Variants in ZZZ3 observed in about 807,000 individuals in gnomAD.
ZZZ3 encodes the protein zinc finger ZZ-type containing 3.
In ZZZ3, 22 loss-of-function variants were observed where a neutral mutation model predicts 95.2. The ratio of observed to expected loss-of-function variants is 0.23; its 90% confidence interval spans 0.17 to 0.33. The LOEUF is 0.33. Ranked by LOEUF, ZZZ3 falls within the 10% of genes least tolerant of loss-of-function variation. ZZZ3 has a pLI of 1.00. For synonymous variants in ZZZ3, 335 were observed against 358.9 expected, an observed-to-expected ratio of 0.93 and a Z score of 0.75; for missense variants, 885 against 1,066.5, an observed-to-expected ratio of 0.83 and a Z score of 2.37.
intron 1 of ZZZ3, among the ~76,000 whole-genome samples, chr1:77,680,250 T>A (rs1672633393): frequency 6.6e-6 from 1 of 152,204 alleles, no homozygotes; most frequent in African/African-American, 2.4e-5. Flanking sequence ...GACCCAGAAC[T>A]ATCTAAAAAA....
At chr1:77,675,575 G>C (rs1356474241) in intron 1 of ZZZ3, among the ~76,000 whole-genome samples, 2 of 151,540 alleles carry the variant, frequency 1.3e-5, no homozygotes, top group Admixed American at 6.6e-5. Flanking sequence ...GTTCTCTGTA[G>C]GTGTTCTTCA....
At position 77,632,182 on chromosome 1, in the gene ZZZ3, A is replaced by G. The variant is rs2100846861; in HGVS notation, c.1173T>C (p.Ser391=). 6.2e-7 allele frequency: 1 copy of G among 1,614,070 alleles called. No individual in the cohort carries two copies. Among genetic ancestry groups the G allele is most frequent in the East Asian group, 2.2e-5 (1 of 44,868 alleles). The change falls in exon 5 of 15, where the codon AGT becomes AGC. Residue 391 remains serine (S), a synonymous_variant. Transcript: ENST00000370801. ...SPRRAAPTRG[S]PTKNSSPYRE... ...TGTAAGGAGAACTGTTTTTAGTGGG[A>G]CTACCTCTGGTAGGGGCTGCCCTTC...
intron 5 of ZZZ3, among the ~76,000 whole-genome samples, chr1:77,598,219 T>C (rs888228000): frequency 2.0e-5 from 3 of 152,124 alleles, no homozygotes; most frequent in African/African-American, 7.2e-5. Flanking sequence ...ATGATACCTA[T>C]AATACATACT....
chr1:77,608,764 T>G (rs1665492332), intron 5 of ZZZ3, among the ~76,000 whole-genome samples: 1 of 152,206 alleles, frequency 6.6e-6, no homozygotes, highest in Admixed American at 6.5e-5. Context: ...AGTGTAGAGT[T>G]TTTTTAAGTC....
Position 77,581,535 on chromosome 1 carries a change from A to G in ZZZ3, c.1908+241T>C, listed in dbSNP as rs555632069. Reference sequence around the variant, plus strand: ...CACCAACAACCCTACAAGATAGGTAATATCAACTACATTTTATACAAAAGG... The same window carrying G: ...CACCAACAACCCTACAAGATAGGTAGTATCAACTACATTTTATACAAAAGG... On this transcript the variant is annotated intron_variant, in intron 8 of 14. Transcript: ENST00000370801. Among the ~76,000 whole-genome samples the G allele has an allele frequency of 8.5e-5, 13 of 152,336 alleles. No homozygotes were observed. In the South Asian group the frequency reaches 2.7e-3, roughly 32 times the overall value.
chr1:77,602,869 G>A (rs1664868908), intron 5 of ZZZ3, among the ~76,000 whole-genome samples: 1 of 152,014 alleles, frequency 6.6e-6, no homozygotes, highest in Non-Finnish European at 1.5e-5. Flanking sequence ...CTCCCAAAGT[G>A]CTGGGATTAC....
At chr1:77,594,228 G>A (rs1479488399) in intron 5 of ZZZ3, among the ~76,000 whole-genome samples, 1 of 152,016 alleles carries the variant, frequency 6.6e-6, no homozygotes, top group Non-Finnish European at 1.5e-5. Context: ...CTACTCATGA[G>A]GCATAATAAC....
intron 1 of ZZZ3, among the ~76,000 whole-genome samples, chr1:77,653,705 A>G (rs571748689): frequency 1.3e-5 from 2 of 152,256 alleles, no homozygotes; most frequent in African/African-American, 4.8e-5. Flanking sequence ...GTGAGCCTAG[A>G]TCGTGCCATT....
intron 4 of ZZZ3, among the ~76,000 whole-genome samples, chr1:77,634,121 G>T (rs1668078687): frequency 6.6e-6 from 1 of 152,074 alleles, no homozygotes; most frequent in African/African-American, 2.4e-5. Context: ...AGTGAGCCGA[G>T]ATCATGCCAC....
chr1:77,652,105 C>T (rs1040091170), intron 1 of ZZZ3, among the ~76,000 whole-genome samples: 3 of 151,268 alleles, frequency 2.0e-5, no homozygotes, highest in African/African-American at 7.3e-5. Context: ...AAAGCACAAG[C>T]AACCAAAGAA....
rs574994581 is a variant in ZZZ3, at chr1:77,648,136, T to C, written c.-402-6481A>G. On this transcript the variant is annotated intron_variant, in intron 1 of 14. Transcript: ENST00000370801. ...CACTTTGGGAGGCCAAGGTGGGTGA[T>C]TGCTTGAGCCCAGGAGTTTGAGACC... 1.5e-3 allele frequency among the ~76,000 whole-genome samples: 231 copies of C among 152,088 alleles called. 2 individuals are homozygous for C. The highest frequency in any genetic ancestry group is 5.1e-3 in the African/African-American group (212 of 41,484).
chr1:77,678,906 T>C (rs1672502837), intron 1 of ZZZ3, among the ~76,000 whole-genome samples: 1 of 152,204 alleles, frequency 6.6e-6, no homozygotes, highest in Admixed American at 6.5e-5. Context: ...TGCCTCTAAC[T>C]TACAAATATA....
chr1:77,588,084 T>C (rs1016927077), intron 5 of ZZZ3, among the ~76,000 whole-genome samples: 6 of 152,314 alleles, frequency 3.9e-5, no homozygotes, highest in Non-Finnish European at 7.3e-5. Flanking sequence ...AGTAGTCAAG[T>C]TTTAGGGGAG....
intron 1 of ZZZ3, among the ~76,000 whole-genome samples, chr1:77,662,447 C>T (rs975117144): frequency 6.6e-6 from 1 of 152,070 alleles, no homozygotes; most frequent in Non-Finnish European, 1.5e-5. Flanking sequence ...CCTCACCCAA[C>T]AGGTATTTTT....
At chr1:77,593,028 A>T (rs1253055512) in intron 5 of ZZZ3, among the ~76,000 whole-genome samples, 1 of 152,230 alleles carries the variant, frequency 6.6e-6, no homozygotes, top group Non-Finnish European at 1.5e-5. Flanking sequence ...GAGGCTGAGC[A>T]GTCCTTTTGA....
At chr1:77,567,897 A>AT (rs1228537854) in intron 13 of ZZZ3, among the ~76,000 whole-genome samples, 1 of 152,188 alleles carries the variant, frequency 6.6e-6, no homozygotes, top group African/African-American at 2.4e-5. Flanking sequence ...AGCTACCTGT[A>AT]TGTCTGTCTT....
intron 12 of ZZZ3, among the ~76,000 whole-genome samples, chr1:77,572,107 A>G (rs1216083560): frequency 6.6e-6 from 1 of 152,246 alleles, no homozygotes; most frequent in Non-Finnish European, 1.5e-5. Flanking sequence ...TTTTGAAAAG[A>G]GAAACTAAAA....
intron 5 of ZZZ3, among the ~76,000 whole-genome samples, chr1:77,588,951 C>T (rs1178520311): frequency 6.6e-6 from 1 of 152,216 alleles, no homozygotes; most frequent in Non-Finnish European, 1.5e-5. Context: ...CAGATCATGG[C>T]TCAATGCAGC....
chr1:77,580,998 C>T lies in ZZZ3; in HGVS notation c.1980G>A (p.Gln660=), dbSNP rs776708722. The T allele has an allele frequency of 6.2e-7, 1 of 1,613,102 alleles. No homozygotes were observed. The highest frequency in any genetic ancestry group is 1.7e-5 in the Admixed American group (1 of 59,978). Residue 660 remains glutamine, a splice_region_variant and synonymous_variant, in exon 9 of 15, where the codon CAG becomes CAA. Transcript: ENST00000370801. ...TACACGATTTTGAAATATTTATTAC[C>T]TGTTCTTCAACAGTCCACAACTGGT... ...TFNQLWTVEE[Q]KKLEQLLIKY... is the part of the protein sequence containing the mutation.
Sources: allele counts gnomAD v4.1 joint callset (sites outside exome capture counted in the v4.1 genomes callset), GRCh38; gene constraint gnomAD v4.1.1; transcripts MANE v1.5; gene names NCBI Gene and HGNC (gene_info 2026-07-23, HGNC 2026-07-21).